Variants in ADCY2 observed in about 807,000 individuals in gnomAD.
ADCY2 encodes the protein adenylate cyclase 2.
In ADCY2, 31 loss-of-function variants were observed where a neutral mutation model predicts 125.2. That is an observed-to-expected ratio of 0.25 (90% CI 0.19 to 0.33). The LOEUF (loss-of-function observed/expected upper bound fraction) is 0.33, where lower values mean the gene tolerates loss of function less well. Ranked by LOEUF, ADCY2 falls within the 10% of genes least tolerant of loss-of-function variation. ADCY2 has a pLI of 1.00. For synonymous variants in ADCY2, 512 were observed against 548.4 expected, an observed-to-expected ratio of 0.93 and a Z score of 0.93; for missense variants, 904 against 1,418.2, an observed-to-expected ratio of 0.64 and a Z score of 5.82.
At chr5:7,817,285 T>G (rs326158) in intron 23 of ADCY2, among the ~76,000 whole-genome samples, 2,355 of 152,312 alleles carry the variant, frequency 0.015, 69 homozygotes, top group African/African-American at 0.054. Flanking sequence ...CTACATTATT[T>G]TATGGGCTGT....
At position 7,762,788 on chromosome 5, in the gene ADCY2, A is replaced by G. The variant is rs190917756; in HGVS notation, c.2095-3899A>G. On this transcript the variant is annotated intron_variant, in intron 16 of 24. Coordinates refer to ENST00000338316, the MANE Select transcript of ADCY2 (RefSeq NM_020546.3). The stretch of plus-strand genomic sequence containing the variant: ...AGCCCCATCCCCAAGTAGTATTTCT[A>G]TTTCTCAGTTGTTAACCCAGTGAGA... Among the ~76,000 whole-genome samples the G allele has an allele frequency of 1.8e-3, 280 of 151,496 alleles. 2 individuals carry two copies. Among genetic ancestry groups the G allele is most frequent in the African/African-American group, 6.3e-3 (259 of 41,252 alleles).
intron 3 of ADCY2, among the ~76,000 whole-genome samples, chr5:7,598,932 G>A (rs1334186852): frequency 6.6e-6 from 1 of 152,214 alleles, no homozygotes; most frequent in East Asian, 1.9e-4. Flanking sequence ...AGGAGACGTG[G>A]ACATTTTTTG....
At chr5:7,593,876 G>A (rs1465612667) in intron 3 of ADCY2, among the ~76,000 whole-genome samples, 2 of 152,174 alleles carry the variant, frequency 1.3e-5, no homozygotes, top group Non-Finnish European at 2.9e-5. Flanking sequence ...GCTATACAGA[G>A]CTGGAGAGAG....
intron 23 of ADCY2, among the ~76,000 whole-genome samples, chr5:7,819,477 G>A (rs577485131): frequency 2.3e-4 from 35 of 152,226 alleles, no homozygotes; most frequent in African/African-American, 6.7e-4. Flanking sequence ...TCAGATTCAC[G>A]CGAACTGTTG....
chr5:7,825,400 C>T (rs1745446006), intron 24 of ADCY2, among the ~76,000 whole-genome samples: 1 of 152,260 alleles, frequency 6.6e-6, no homozygotes, highest in African/African-American at 2.4e-5. Flanking sequence ...AGCAACACTG[C>T]TGTGTGCCAT....
At chr5:7,642,915 G>A (rs889911332) in intron 4 of ADCY2, among the ~76,000 whole-genome samples, 16 of 152,004 alleles carry the variant, frequency 1.1e-4, no homozygotes, top group African/African-American at 3.4e-4. Flanking sequence ...AAGGGAATTC[G>A]TTACCATTAG....
At chr5:7,529,073 G>T (rs915622800) in intron 3 of ADCY2, among the ~76,000 whole-genome samples, 12 of 152,198 alleles carry the variant, frequency 7.9e-5, no homozygotes, top group African/African-American at 2.9e-4. Context: ...CCGGTTCTAA[G>T]AGATTCTCTT....
chr5:7,542,582 A>G (rs1016257817), intron 3 of ADCY2, among the ~76,000 whole-genome samples: 1 of 152,236 alleles, frequency 6.6e-6, no homozygotes, highest in Non-Finnish European at 1.5e-5. Context: ...GAAGAAACTC[A>G]TGGTCCACTG....
intron 4 of ADCY2, among the ~76,000 whole-genome samples, chr5:7,672,501 T>C (rs1011080882): frequency 6.8e-6 from 1 of 147,246 alleles, no homozygotes; most frequent in African/African-American, 2.5e-5. Context: ...GTTAGATGAT[T>C]TTTTTTTTTA....
chr5:7,819,134 T>C (rs1745214902), intron 23 of ADCY2, among the ~76,000 whole-genome samples: 2 of 152,134 alleles, frequency 1.3e-5, no homozygotes, highest in South Asian at 4.1e-4. Flanking sequence ...TTCTGCCTGC[T>C]TTTATTCTGG....
intron 3 of ADCY2, among the ~76,000 whole-genome samples, chr5:7,555,823 G>T: frequency 6.6e-6 from 1 of 150,654 alleles, no homozygotes. Context: ...GAAAATCAGT[G>T]ATCTCCCTTC....
At chr5:7,767,676 G>A (rs1743427725) in intron 17 of ADCY2, among the ~76,000 whole-genome samples, 1 of 151,774 alleles carries the variant, frequency 6.6e-6, no homozygotes, top group South Asian at 2.1e-4. Flanking sequence ...TTTTGCTCTG[G>A]TCCTTTTTCC....
intron 11 of ADCY2, among the ~76,000 whole-genome samples, chr5:7,713,643 C>G (rs977905815): frequency 6.6e-6 from 1 of 152,298 alleles, no homozygotes; most frequent in African/African-American, 2.4e-5. Context: ...TGTCTCCACA[C>G]GCCCTGTCGC....
At chr5:7,652,130 T>A (rs184932038) in intron 4 of ADCY2, among the ~76,000 whole-genome samples, 1 of 152,292 alleles carries the variant, frequency 6.6e-6, no homozygotes, top group African/African-American at 2.4e-5. Flanking sequence ...ACTTTAACCC[T>A]ACTGAGAGTT....
chr5:7,591,634 G>A (rs1393266829), intron 3 of ADCY2, among the ~76,000 whole-genome samples: 1 of 151,990 alleles, frequency 6.6e-6, no homozygotes, highest in Non-Finnish European at 1.5e-5. Flanking sequence ...CTCTCTCTAG[G>A]GCTAGAGAGT....
At chr5:7,456,483 T>A (rs1270775994) in intron 2 of ADCY2, among the ~76,000 whole-genome samples, 1 of 152,190 alleles carries the variant, frequency 6.6e-6, no homozygotes, top group Non-Finnish European at 1.5e-5. Flanking sequence ...ATGTGTACAC[T>A]CCATAAACCA....
chr5:7,709,184 G>A lies in ADCY2; in HGVS notation c.1402-27G>A, dbSNP rs1458652009. ...CATGTGTGGCCCTGTGCTGTGCCAG[G>A]TGTGATGCTTTGTTTCTCACCCCAA... On this transcript the variant is annotated intron_variant, in intron 9 of 24. Transcript: ENST00000338316. The surrounding 1 kb of genome is among the most constrained non-coding windows in gnomAD (Gnocchi z 4.4). 2 of 1,580,274 alleles carry A rather than the reference G, an allele frequency of 1.3e-6. No homozygotes were observed. Among genetic ancestry groups the A allele is most frequent in the Admixed American group, 3.5e-5 (2 of 56,352 alleles).
At chr5:7,580,004 G>A (rs894510286) in intron 3 of ADCY2, among the ~76,000 whole-genome samples, 2 of 152,136 alleles carry the variant, frequency 1.3e-5, no homozygotes, top group Non-Finnish European at 2.9e-5. Context: ...TAAGTGAATC[G>A]ACATAGAAGC....
rs966803998 is a variant in ADCY2, at chr5:7,520,903, G to A, written c.570+4G>A. The A allele has an allele frequency of 6.2e-7, 1 of 1,613,820 alleles. No individual in the cohort carries two copies. ...CAAGGAGCACCTGGTCTGGCAGGTG[G>A]GTGCACCTCCACATCCATGGAGAAT... On this transcript the variant is annotated splice_donor_region_variant and intron_variant, in intron 3 of 24. Transcript: ENST00000338316.
Sources: gnomAD v4.1 joint callset for allele counts (sites outside exome capture counted in the v4.1 genomes callset) on GRCh38, gnomAD v4.1.1 for gene constraint, Gnocchi (gnomAD v3.1) non-coding constraint, MANE v1.5 for transcripts, NCBI Gene and HGNC (gene_info 2026-07-23, HGNC 2026-07-21) for gene names.